The following FBXW11 variants were observed in gnomAD, a reference collection of about 807,000 sequenced individuals.
FBXW11 encodes F-box and WD repeat domain containing 11, also known as F-box/WD repeat-containing protein 11.
Under a neutral mutation model 77.6 loss-of-function variants are expected in FBXW11, and 19 were observed. That is an observed-to-expected ratio of 0.24 (90% CI 0.17 to 0.36). FBXW11 has a LOEUF of 0.36. FBXW11 is among the 10% of genes least tolerant of loss of function. The probability of loss-of-function intolerance (pLI) is 1.00; values close to 1 mark genes in which losing one functional copy is unlikely to be tolerated. For missense variants in FBXW11, 334 were observed against 704.2 expected (o/e 0.47, Z 5.95); for synonymous variants, 235 against 249.4 (o/e 0.94, Z 0.54).
rs1198809796 is a variant in FBXW11, at chr5:171,952,422, C to CATATATATATATATATATAT, written c.147+5155_147+5174dup. On this transcript the variant is annotated intron_variant, in intron 2 of 13. Coordinates refer to ENST00000517395, the MANE Select transcript of FBXW11 (RefSeq NM_001378974.1). ...TGTGTGTGTGTGTTGTGTGTACATA[C>CATATATATATATATATATAT]ATATATATATATATATATATATATA... Among the ~76,000 whole-genome samples, 70 of 14,614 alleles carry CATATATATATATATATATAT rather than the reference C, an allele frequency of 4.8e-3. 8 individuals are homozygous for CATATATATATATATATATAT. The highest frequency in any genetic ancestry group is 7.8e-3 in the Non-Finnish European group (58 of 7,412). 9.6% of individuals were successfully genotyped at this position (14,614 alleles called of 152,430 possible).
At chr5:171,938,773 C>A (rs562175210) in intron 2 of FBXW11, among the ~76,000 whole-genome samples, 2 of 152,284 alleles carry the variant, frequency 1.3e-5, no homozygotes, top group South Asian at 4.1e-4. Context: ...ACGAAAGACA[C>A]TGGCTGAATA....
At chr5:171,998,627 T>C (rs1766217066) in intron 1 of FBXW11, among the ~76,000 whole-genome samples, 1 of 151,510 alleles carries the variant, frequency 6.6e-6, no homozygotes, top group African/African-American at 2.4e-5. Flanking sequence ...TGAAACCCCA[T>C]CTCTACTAAA....
intron 7 of FBXW11, among the ~76,000 whole-genome samples, chr5:171,878,516 A>C (rs1581134961): frequency 6.6e-6 from 1 of 151,450 alleles, no homozygotes; most frequent in East Asian, 1.9e-4. Flanking sequence ...AAGTTAAAAG[A>C]CCAGCCTGGG....
chr5:171,866,085 T>C (rs1293584087), intron 13 of FBXW11, among the ~76,000 whole-genome samples: 3 of 151,998 alleles, frequency 2.0e-5, no homozygotes, highest in African/African-American at 7.2e-5. Flanking sequence ...GCCAACATGG[T>C]GAAACCCCAT....
intron 4 of FBXW11, among the ~76,000 whole-genome samples, chr5:171,902,834 A>G (rs1338015029): frequency 6.6e-6 from 1 of 152,198 alleles, no homozygotes; most frequent in Non-Finnish European, 1.5e-5. Flanking sequence ...TGATTGCTAA[A>G]TATCTTCACA....
intron 7 of FBXW11, among the ~76,000 whole-genome samples, chr5:171,884,348 G>A (rs537142595): frequency 3.3e-5 from 5 of 152,320 alleles, no homozygotes; most frequent in Middle Eastern, 3.4e-3. Context: ...TCAGTTGGCT[G>A]TAAGTATTTG....
intron 2 of FBXW11, among the ~76,000 whole-genome samples, chr5:171,932,010 G>T (rs529270167): frequency 2.0e-5 from 3 of 151,728 alleles, no homozygotes; most frequent in South Asian, 2.1e-4. Context: ...GAGTAGCTGC[G>T]ACCACAGGGG....
chr5:171,900,744 C>T (rs1287399238), intron 4 of FBXW11, among the ~76,000 whole-genome samples: 1 of 152,156 alleles, frequency 6.6e-6, no homozygotes, highest in Non-Finnish European at 1.5e-5. Flanking sequence ...CGTGAGTATC[C>T]ATTTTCTGTT....
At chr5:171,890,880 G>C (rs1053960493) in intron 7 of FBXW11, among the ~76,000 whole-genome samples, 1 of 152,148 alleles carries the variant, frequency 6.6e-6, no homozygotes, top group African/African-American at 2.4e-5. Flanking sequence ...AAAATTCACA[G>C]AATTATACAA....
At chr5:171,952,600 CCAT>C (rs1416828260) in intron 2 of FBXW11, among the ~76,000 whole-genome samples, 16 of 148,926 alleles carry the variant, frequency 1.1e-4, no homozygotes, top group Non-Finnish European at 7.5e-5. Flanking sequence ...TTACAGGCGC[CCAT>C]CATCATGCCC....
At chr5:171,877,351 T>C (rs1170134068) in intron 8 of FBXW11, among the ~76,000 whole-genome samples, 3 of 152,182 alleles carry the variant, frequency 2.0e-5, no homozygotes, top group Admixed American at 1.3e-4. Flanking sequence ...CCTCTGAGTC[T>C]ATCAGTTATC....
chr5:171,995,447 C>A (rs927052265), intron 1 of FBXW11, among the ~76,000 whole-genome samples: 2 of 151,970 alleles, frequency 1.3e-5, no homozygotes, highest in South Asian at 4.1e-4. Flanking sequence ...GGGCTGGGCG[C>A]GGTGGCATTT....
intron 2 of FBXW11, among the ~76,000 whole-genome samples, chr5:171,931,102 A>C (rs893675717): frequency 4.6e-5 from 7 of 152,234 alleles, no homozygotes; most frequent in African/African-American, 1.7e-4. Flanking sequence ...GTTCTTCCCA[A>C]CTGGATCTAT....
At chr5:171,973,927 C>T (rs1245709565) in intron 1 of FBXW11, among the ~76,000 whole-genome samples, 1 of 152,038 alleles carries the variant, frequency 6.6e-6, no homozygotes, top group African/African-American at 2.4e-5. Context: ...TTTTTAGATG[C>T]AAATAATGGA....
At chr5:171,941,825 C>T (rs932154932) in intron 2 of FBXW11, among the ~76,000 whole-genome samples, 2 of 150,014 alleles carry the variant, frequency 1.3e-5, no homozygotes, top group African/African-American at 2.5e-5. Flanking sequence ...TCCTTTGTGA[C>T]TTTTAGGTTG....
chr5:171,915,560 G>A (rs562185022), intron 2 of FBXW11, among the ~76,000 whole-genome samples: 1 of 150,744 alleles, frequency 6.6e-6, no homozygotes, highest in Admixed American at 6.7e-5. Flanking sequence ...GAGTAGGAAA[G>A]TCAAAGGCTT....
At chr5:171,974,033 G>T (rs1488430108) in intron 1 of FBXW11, among the ~76,000 whole-genome samples, 1 of 152,094 alleles carries the variant, frequency 6.6e-6, no homozygotes, top group African/African-American at 2.4e-5. Context: ...AAGTTAAGAG[G>T]GGAGATTAGA....
chr5:171,997,109 G>A (rs1256022775), intron 1 of FBXW11: 9 of 1,269,014 alleles, frequency 7.1e-6, no homozygotes, highest in African/African-American at 1.5e-5. Flanking sequence ...GCAAAGGACA[G>A]CCTCCAAGAA....
intron 2 of FBXW11, among the ~76,000 whole-genome samples, chr5:171,944,691 A>C (rs911324421): frequency 6.6e-6 from 1 of 152,124 alleles, no homozygotes; most frequent in Admixed American, 6.5e-5. Context: ...GGTCTATAAT[A>C]AATAGTATTA....
Sources: gnomAD v4.1 joint callset for allele counts (sites outside exome capture counted in the v4.1 genomes callset) on GRCh38, gnomAD v4.1.1 for gene constraint, MANE v1.5 for transcripts, NCBI Gene and HGNC (gene_info 2026-07-23, HGNC 2026-07-21) for gene names.